CLSTN2: variants seen among roughly 807,000 people sequenced by gnomAD.
CLSTN2 encodes the protein calsyntenin 2, also known as calsyntenin-2.
In CLSTN2, 48 loss-of-function variants were observed where a neutral mutation model predicts 101.2. That is an observed-to-expected ratio of 0.47 (90% CI 0.38 to 0.60). The LOEUF (loss-of-function observed/expected upper bound fraction) is 0.60. Among genes scored for constraint, CLSTN2 ranks in the 20% least tolerant of loss-of-function variants. CLSTN2 has a pLI of 0.00. For synonymous variants in CLSTN2, 481 were observed against 463.6 expected (o/e 1.04, Z -0.48); for missense variants, 1,160 against 1,238.2 (o/e 0.94, Z 0.95).
intron 2 of CLSTN2, among the ~76,000 whole-genome samples, chr3:140,362,541 A>C (rs1254752789): frequency 6.6e-6 from 1 of 152,188 alleles, no homozygotes; most frequent in Non-Finnish European, 1.5e-5. Context: ...ACAGACTTGG[A>C]GAAAAAAACG....
chr3:140,382,358 C>T (rs2087994825), intron 2 of CLSTN2, among the ~76,000 whole-genome samples: 1 of 152,176 alleles, frequency 6.6e-6, no homozygotes, highest in Non-Finnish European at 1.5e-5. Flanking sequence ...ATGTGAATAT[C>T]CTGTGAAGGG....
intron 1 of CLSTN2, among the ~76,000 whole-genome samples, chr3:140,129,536 CAA>C: frequency 6.6e-6 from 1 of 152,110 alleles, no homozygotes; most frequent in Non-Finnish European, 1.5e-5. Flanking sequence ...ACATTGCATG[CAA>C]AGTGTCTAGT....
chr3:140,328,163 G>A (rs993486278), intron 2 of CLSTN2, among the ~76,000 whole-genome samples: 1 of 152,218 alleles, frequency 6.6e-6, no homozygotes, highest in Non-Finnish European at 1.5e-5. Context: ...TATGGGAGCT[G>A]GACTCTGCTC....
intron 1 of CLSTN2, among the ~76,000 whole-genome samples, chr3:140,050,022 G>A (rs571831492): frequency 3.9e-5 from 6 of 152,156 alleles, no homozygotes; most frequent in Non-Finnish European, 7.3e-5. Context: ...CCAGGGTCTT[G>A]ATTTCTTCAT....
chr3:140,361,107 G>A (rs59848657), intron 2 of CLSTN2, among the ~76,000 whole-genome samples: 4,225 of 152,146 alleles, frequency 0.028, 173 homozygotes, highest in African/African-American at 0.095. Flanking sequence ...TTTTCTCAGT[G>A]AAATATTGAC....
At chr3:140,234,733 C>T (rs568593936) in intron 2 of CLSTN2, among the ~76,000 whole-genome samples, 22 of 152,278 alleles carry the variant, frequency 1.4e-4, no homozygotes, top group Middle Eastern at 6.8e-3. Flanking sequence ...TGTGGCTCTA[C>T]GTGTTTCACT....
chr3:140,105,992 C>T (rs530695113), intron 1 of CLSTN2, among the ~76,000 whole-genome samples: 25 of 152,282 alleles, frequency 1.6e-4, no homozygotes, highest in African/African-American at 2.9e-4. Context: ...CTGGTTTTAT[C>T]GGCAGAACGT....
intron 9 of CLSTN2, among the ~76,000 whole-genome samples, chr3:140,534,506 C>G (rs528524127): frequency 6.6e-6 from 1 of 152,352 alleles, no homozygotes; most frequent in South Asian, 2.1e-4. Context: ...GCAATGACAA[C>G]AAGCCCCAAC....
chr3:140,153,175 C>T (rs1388116155), intron 1 of CLSTN2, among the ~76,000 whole-genome samples: 3 of 152,254 alleles, frequency 2.0e-5, no homozygotes, highest in African/African-American at 7.2e-5. Flanking sequence ...TGCACAGCCT[C>T]TCTCAGCTCC....
At chr3:140,437,408 A>T (rs139670983) in intron 5 of CLSTN2, among the ~76,000 whole-genome samples, 34 of 152,328 alleles carry the variant, frequency 2.2e-4, no homozygotes, top group African/African-American at 7.9e-4. Context: ...GTGAGCTTCT[A>T]GGGAAATTCA....
chr3:140,396,957 G>C (rs768579087), intron 2 of CLSTN2, among the ~76,000 whole-genome samples: 3 of 152,100 alleles, frequency 2.0e-5, no homozygotes, highest in Non-Finnish European at 4.4e-5. Flanking sequence ...TATTATTAAA[G>C]ATTCTCAAGA....
In CLSTN2 at chr3:140,273,557, G is replaced by A. The variant is rs955859819; in HGVS notation, c.232+97484G>A. On this transcript the variant is annotated intron_variant, in intron 2 of 16. Transcript: ENST00000458420. ...TGAATAGGGATAATAATAATCAGGTGCAGAGGAACATCTGTATAAGCCATT... is the reference window on the plus strand; with the variant it reads ...TGAATAGGGATAATAATAATCAGGTACAGAGGAACATCTGTATAAGCCATT... 2.0e-5 allele frequency among the ~76,000 whole-genome samples: 3 copies of A among 152,102 alleles called. No individual in the cohort carries two copies. In the East Asian group the frequency reaches 5.8e-4, roughly 29 times the overall value.
rs745853965 is a variant in CLSTN2, at chr3:140,558,742, C to T, written c.1926C>T (p.His642=). 9 of 1,614,140 alleles carry T rather than the reference C, an allele frequency of 5.6e-6. No homozygotes were observed. In the South Asian group the frequency reaches 9.9e-5, roughly 18 times the overall value. ...GGATCACCCTCCGGGGCACAGACCA[C>T]TTCTGGAGACCTGCTGCCCAGTTTG... ...EPRITLRGTD[H]FWRPAAQFES... is the part of the protein sequence containing the mutation. The change falls in exon 12 of 17, where the codon CAC becomes CAT. Residue 642 remains histidine (H), a synonymous_variant. Transcript: ENST00000458420.
At chr3:140,145,946 A>G (rs2009774572) in intron 1 of CLSTN2, among the ~76,000 whole-genome samples, 1 of 152,214 alleles carries the variant, frequency 6.6e-6, no homozygotes, top group African/African-American at 2.4e-5. Flanking sequence ...TGCCATTTCA[A>G]AAACACTTTT....
chr3:140,477,558 T>C (rs1241970659), intron 8 of CLSTN2, among the ~76,000 whole-genome samples: 1 of 152,194 alleles, frequency 6.6e-6, no homozygotes, highest in African/African-American at 2.4e-5. Flanking sequence ...TTTACATACA[T>C]TAGGTCTAAA....
intron 1 of CLSTN2, among the ~76,000 whole-genome samples, chr3:139,942,768 A>T (rs1935154272): frequency 6.6e-6 from 1 of 152,154 alleles, no homozygotes; most frequent in Non-Finnish European, 1.5e-5. Context: ...TGTGCAGTTG[A>T]TTGCAATCCA....
chr3:140,528,550 G>T (rs974545825), intron 8 of CLSTN2, among the ~76,000 whole-genome samples: 1 of 151,456 alleles, frequency 6.6e-6, no homozygotes, highest in Non-Finnish European at 1.5e-5. Context: ...TCACAAAGTA[G>T]GACGTGCATT....
chr3:140,096,253 T>C (rs574408301), intron 1 of CLSTN2, among the ~76,000 whole-genome samples: 1 of 152,294 alleles, frequency 6.6e-6, no homozygotes, highest in Non-Finnish European at 1.5e-5. Context: ...CTAATACTGC[T>C]TCTGACTGCT....
At chr3:140,124,014 C>G (rs549159107) in intron 1 of CLSTN2, among the ~76,000 whole-genome samples, 20 of 152,086 alleles carry the variant, frequency 1.3e-4, no homozygotes, top group African/African-American at 4.8e-4. Flanking sequence ...GGGCTGGCAG[C>G]ACTCAGTCTA....
Sources: gnomAD v4.1 joint callset for allele counts (sites outside exome capture counted in the v4.1 genomes callset) on GRCh38, gnomAD v4.1.1 for gene constraint, MANE v1.5 for transcripts, NCBI Gene and HGNC (gene_info 2026-07-23, HGNC 2026-07-21) for gene names.